Variants in UBE3B observed in about 807,000 individuals in gnomAD.
UBE3B encodes ubiquitin protein ligase E3B, also known as ubiquitin-protein ligase E3B.
UBE3B carries 80 observed loss-of-function variants against 132.3 expected under a neutral mutation model. That is an observed-to-expected ratio of 0.60 (90% CI 0.50 to 0.73). The LOEUF is 0.73. UBE3B is among the 30% of genes least tolerant of loss of function. UBE3B has a pLI of 0.00. For synonymous variants in UBE3B, 487 were observed against 520.4 expected, an observed-to-expected ratio of 0.94 and a Z score of 0.87; for missense variants, 1,196 against 1,362.5, an observed-to-expected ratio of 0.88 and a Z score of 1.92.
chr12:109,533,970 G>T, intron 27 of UBE3B: 1 of 1,303,058 alleles, frequency 7.7e-7, no homozygotes. Flanking sequence ...CAGGCTCGCT[G>T]CTTCATTTCC....
Position 109,498,226 on chromosome 12 carries a change from T to C in UBE3B, c.820-7T>C, listed in dbSNP as rs1878487907. ...TTTCTGATTTAACGGTCTGCTATTCTTTGCAGCGCCTCACTGTTTTAGAAT... is the reference window on the plus strand; with the variant it reads ...TTTCTGATTTAACGGTCTGCTATTCCTTGCAGCGCCTCACTGTTTTAGAAT... On this transcript the variant is annotated splice_region_variant and splice_polypyrimidine_tract_variant and intron_variant, in intron 10 of 27. Coordinates refer to ENST00000342494, the MANE Select transcript of UBE3B (RefSeq NM_130466.4). 1 of 1,613,930 alleles carries C rather than the reference T, an allele frequency of 6.2e-7. No individual in the cohort carries two copies. The highest frequency in any genetic ancestry group is 1.3e-5 in the African/African-American group (1 of 75,036).
chr12:109,489,641 A>ACAGG (rs1460755513), intron 7 of UBE3B, among the ~76,000 whole-genome samples: 1 of 152,186 alleles, frequency 6.6e-6, no homozygotes. Context: ...AAAAGGTGCT[A>ACAGG]CAGGCGCTCA....
chr12:109,528,308 C>G, intron 24 of UBE3B: 1 of 984,774 alleles, frequency 1.0e-6, no homozygotes, highest in Non-Finnish European at 1.2e-6. Context: ...TCCTCCCTTC[C>G]TCTCCCCCTT....
In UBE3B at chr12:109,486,443, A is replaced by G. The variant is rs959382948; in HGVS notation, c.343-28A>G. On this transcript the variant is annotated intron_variant, in intron 5 of 27. Transcript: ENST00000342494. ...AGTGATATGATCTCTATAACAGCCC[A>G]TGACATTCCTCTTTTTCCCACCTAT... 9.6e-6 allele frequency: 15 copies of G among 1,555,442 alleles called. No homozygotes were observed. The African/African-American group carries it at 1.7e-4, about 17-fold the overall frequency.
intron 19 of UBE3B, chr12:109,519,733 T>G (rs2136050873): frequency 6.6e-6 from 1 of 152,352 alleles, no homozygotes; most frequent in Non-Finnish European, 1.5e-5. Context: ...TTTCTCCCTT[T>G]TGTCATCTAA....
chr12:109,529,822 C>T, intron 24 of UBE3B, 68 bp from the exon 25 acceptor site: 1 of 1,565,880 alleles, frequency 6.4e-7, no homozygotes, highest in Non-Finnish European at 8.8e-7. Flanking sequence ...GACTGTCTTT[C>T]AGCCCATTGG....
At chr12:109,546,025 A>G in the UBE3B span, among the ~76,000 whole-genome samples, 1 of 152,128 alleles carries the variant, frequency 6.6e-6, no homozygotes, top group Non-Finnish European at 1.5e-5. Flanking sequence ...TTCATGTCCC[A>G]ACAGGCTGCA....
chr12:109,486,111 A>G (rs2135788002), intron 5 of UBE3B, 40 bp downstream of exon 5: 1 of 1,551,318 alleles, frequency 6.4e-7, no homozygotes, highest in East Asian at 2.4e-5. Flanking sequence ...ACAAGCTCTT[A>G]AGGGCCAACC....
rs769791757 is a variant in UBE3B, at chr12:109,533,017, C to T, written c.2923-449C>T. Among the ~76,000 whole-genome samples the T allele has an allele frequency of 3.7e-4, 57 of 152,334 alleles. 1 individual carries two copies. The highest frequency in any genetic ancestry group is 3.7e-4 in the Non-Finnish European group (25 of 68,034). The stretch of plus-strand genomic sequence containing the variant: ...TCCCGGGCTCCCTCTGTTCGCACCA[C>T]GTGCAGTGGGTGCCACCAGCCTCCG... On this transcript the variant is annotated intron_variant, in intron 26 of 27. Transcript: ENST00000342494.
chr12:109,542,561 A>G, the UBE3B span, among the ~76,000 whole-genome samples: 1 of 152,210 alleles, frequency 6.6e-6, no homozygotes, highest in African/African-American at 2.4e-5. Context: ...GGGTTGTTGT[A>G]GATGTAACTA....
chr12:109,528,842 T>C (rs1251547060), intron 24 of UBE3B, among the ~76,000 whole-genome samples: 1 of 138,358 alleles, frequency 7.2e-6, no homozygotes, highest in Non-Finnish European at 1.5e-5. Context: ...AGAATGAAAC[T>C]CCATCTCAAA....
intron 23 of UBE3B, among the ~76,000 whole-genome samples, chr12:109,524,748 G>C (rs1301548282): frequency 6.6e-6 from 1 of 152,036 alleles, no homozygotes; most frequent in East Asian, 1.9e-4. Flanking sequence ...GCATTTTAGG[G>C]TAATTCCCCA....
rs770371345 is a variant in UBE3B at position 109,511,311 on chromosome 12, G to A, written c.1956+8G>A. 2 of 1,613,398 alleles carry A rather than the reference G, an allele frequency of 1.2e-6. No individual in the cohort carries two copies. Among genetic ancestry groups the A allele is most frequent in the East Asian group, 2.2e-5 (1 of 44,872 alleles). On this transcript the variant is annotated splice_region_variant and intron_variant, in intron 18 of 27. Transcript: ENST00000342494. The stretch of plus-strand genomic sequence containing the variant: ...GTCATCCCTCACAAAAACGTGAGTT[G>A]CACTCAGAGCTGGGCCCCGATGTGT...
At chr12:109,533,812 G>A in intron 27 of UBE3B, 1 of 912,326 alleles carries the variant, frequency 1.1e-6, no homozygotes, top group Non-Finnish European at 1.7e-6. Context: ...TACCTGGAGT[G>A]GGGGTGGGTA....
At chr12:109,489,431 C>T (rs866639654) in intron 7 of UBE3B, among the ~76,000 whole-genome samples, 7 of 151,986 alleles carry the variant, frequency 4.6e-5, no homozygotes, top group Non-Finnish European at 8.8e-5. Context: ...GAGTGAAGAG[C>T]GGGGATGAAA....
Position 109,497,923 on chromosome 12 carries a change from G to T in UBE3B, c.819G>T (p.Glu273Asp). 2.5e-6 allele frequency: 4 copies of T among 1,614,082 alleles called. No homozygotes were observed. Among genetic ancestry groups the T allele is most frequent in the Non-Finnish European group, 3.4e-6 (4 of 1,179,996 alleles). The change falls in exon 10 of 28, where the codon GAG becomes GAT. Residue 273 changes from glutamate to aspartate, a missense_variant and splice_region_variant. Coordinates refer to ENST00000342494, the MANE Select transcript of UBE3B (RefSeq NM_130466.4). ...CTCATCTCAGCACAGTGACCCCTGA[G>T]GTAAGCAGGCTCTGTGAGTTCCCCG... ...LVTHLSTVTP[E>D]RLTVLESHDM...
At chr12:109,479,888 C>T (rs1182829869) in intron 1 of UBE3B, among the ~76,000 whole-genome samples, 1 of 152,158 alleles carries the variant, frequency 6.6e-6, no homozygotes, top group Non-Finnish European at 1.5e-5. Context: ...GGAAGAGGCT[C>T]CCTCTTCCCC....
At chr12:109,541,123 G>A (rs748359838), downstream of UBE3B, among the ~76,000 whole-genome samples, 94 of 152,316 alleles carry the variant, frequency 6.2e-4, no homozygotes, top group Non-Finnish European at 9.1e-4. Flanking sequence ...ATGTTCCAGC[G>A]TGGTCCACCT....
intron 9 of UBE3B, among the ~76,000 whole-genome samples, chr12:109,496,073 C>A (rs1404693038): frequency 6.6e-6 from 1 of 152,202 alleles, no homozygotes; most frequent in South Asian, 2.1e-4. Context: ...CTCCCTTTTC[C>A]CCTCTCCCCA....
Sources: allele counts gnomAD v4.1 joint callset (sites outside exome capture counted in the v4.1 genomes callset), GRCh38; gene constraint gnomAD v4.1.1; transcripts MANE v1.5; gene names NCBI Gene and HGNC (gene_info 2026-07-23, HGNC 2026-07-21).